Variants in NRG3 observed in about 807,000 individuals in gnomAD.
The protein encoded by NRG3 is pro-neuregulin-3, membrane-bound isoform.
In NRG3, 31 loss-of-function variants were observed where a neutral mutation model predicts 66.9. The ratio of observed to expected loss-of-function variants is 0.46; its 90% CI spans 0.35 to 0.63. The LOEUF (loss-of-function observed/expected upper bound fraction) is 0.63, where lower values mean the gene tolerates loss of function less well. NRG3 is among the 20% of genes least tolerant of loss of function. NRG3 has a pLI of 0.00. For synonymous variants in NRG3, 393 were observed against 359.4 expected, an observed-to-expected ratio of 1.09 and a Z score of -1.06; for missense variants, 910 against 878.9, an observed-to-expected ratio of 1.04 and a Z score of -0.45.
chr10:82,187,214 G>A lies in NRG3; in HGVS notation c.824-171525G>A, dbSNP rs60942322. The stretch of plus-strand genomic sequence containing the variant: ...GGAGTAATATGACACATGTGGACTA[G>A]AATATTACTGAGGCCGCCAACAGAG... On this transcript the variant is annotated intron_variant, in intron 1 of 8. Transcript: ENST00000372141. Among the ~76,000 whole-genome samples the A allele has an allele frequency of 9.1e-3, 1,380 of 152,224 alleles. 20 individuals are homozygous for A. The highest frequency in any genetic ancestry group is 0.032 in the African/African-American group (1,311 of 41,542).
chr10:81,955,628 G>A (rs1358495181), intron 1 of NRG3, among the ~76,000 whole-genome samples: 2 of 152,156 alleles, frequency 1.3e-5, no homozygotes, highest in East Asian at 3.9e-4. Context: ...TACCTACTTA[G>A]TAGCTGAAGA....
At chr10:82,333,346 AG>A (rs1054346470) in intron 1 of NRG3, among the ~76,000 whole-genome samples, 3 of 152,232 alleles carry the variant, frequency 2.0e-5, no homozygotes, top group African/African-American at 7.2e-5. Flanking sequence ...GGAATCAGAG[AG>A]ATCAAGGTTA....
intron 2 of NRG3, among the ~76,000 whole-genome samples, chr10:82,604,635 G>A (rs1036503818): frequency 4.6e-5 from 7 of 152,030 alleles, no homozygotes; most frequent in South Asian, 2.1e-4. Flanking sequence ...TGTGGTACTG[G>A]AGAAATAAGA....
chr10:82,546,484 C>T (rs926451313), intron 2 of NRG3, among the ~76,000 whole-genome samples: 3 of 151,980 alleles, frequency 2.0e-5, no homozygotes, highest in African/African-American at 7.2e-5. Context: ...CCATTGCCTT[C>T]TTTATATGTG....
At chr10:82,091,741 T>C (rs1343792940) in intron 1 of NRG3, among the ~76,000 whole-genome samples, 1 of 152,200 alleles carries the variant, frequency 6.6e-6, no homozygotes, top group Non-Finnish European at 1.5e-5. Flanking sequence ...ACCATGCTGT[T>C]TCCACAGCAG....
At chr10:82,350,047 G>C (rs969438397) in intron 1 of NRG3, among the ~76,000 whole-genome samples, 1 of 152,164 alleles carries the variant, frequency 6.6e-6, no homozygotes, top group African/African-American at 2.4e-5. Context: ...GCTGGGAGCT[G>C]TAGACCAGGG....
chr10:82,294,434 A>AGTGTGTGTGT lies in NRG3; in HGVS notation c.824-64284_824-64275dup, dbSNP rs35072007. The stretch of plus-strand genomic sequence containing the variant: ...TAATAAACACATATTCTACTGATGA[A>AGTGTGTGTGT]GTGTGTGTGTGTGTGTGTGTGTGTG... On this transcript the variant is annotated intron_variant, in intron 1 of 8. Coordinates refer to ENST00000372141, the MANE Select transcript of NRG3 (RefSeq NM_001010848.4). Among the ~76,000 whole-genome samples, 814 of 149,166 alleles carry AGTGTGTGTGT rather than the reference A, an allele frequency of 5.5e-3. 11 individuals are homozygous for AGTGTGTGTGT. The highest frequency in any genetic ancestry group is 0.016 in the African/African-American group (643 of 40,854).
intron 6 of NRG3, 85 bp from the exon 7 acceptor site, chr10:82,973,703 G>A: frequency 6.8e-7 from 1 of 1,481,118 alleles, no homozygotes; most frequent in Non-Finnish European, 9.4e-7. Flanking sequence ...TGGCATTCCA[G>A]TAACTTCTCA....
At chr10:82,682,920 T>C (rs1348261316) in intron 2 of NRG3, among the ~76,000 whole-genome samples, 1 of 150,900 alleles carries the variant, frequency 6.6e-6, no homozygotes, top group East Asian at 1.9e-4. Flanking sequence ...CCCAAACAGA[T>C]TTGTGAAAAT....
In NRG3 at chr10:82,779,080, C is replaced by T. The variant is rs191589987; in HGVS notation, c.1027+40430C>T. Among the ~76,000 whole-genome samples, 35 of 152,100 alleles carry T rather than the reference C, an allele frequency of 2.3e-4. No individual in the cohort carries two copies. The East Asian group carries it at 5.6e-3, about 24-fold the overall frequency. On this transcript the variant is annotated intron_variant, in intron 3 of 8. Coordinates refer to ENST00000372141, the MANE Select transcript of NRG3 (RefSeq NM_001010848.4). ...GCAGGGCATACTCTATCAAGGGCTC[C>T]GGTTTCAAGATTGTGATGCACAGTA... is the stretch of plus-strand genomic sequence containing the variant.
intron 2 of NRG3, among the ~76,000 whole-genome samples, chr10:82,421,984 A>G (rs774606122): frequency 2.0e-5 from 3 of 152,240 alleles, no homozygotes; most frequent in Non-Finnish European, 4.4e-5. Flanking sequence ...TGTTAGCTTG[A>G]GAACCAGAAG....
chr10:82,950,516 G>A (rs1185042295), intron 4 of NRG3, among the ~76,000 whole-genome samples: 1 of 152,152 alleles, frequency 6.6e-6, no homozygotes, highest in East Asian at 1.9e-4. Flanking sequence ...CCCATTCTGA[G>A]CTGCCCACAG....
chr10:82,723,989 T>C (rs1172245772), intron 2 of NRG3, among the ~76,000 whole-genome samples: 1 of 141,412 alleles, frequency 7.1e-6, no homozygotes, highest in African/African-American at 2.8e-5. Flanking sequence ...CAAAAAAAAG[T>C]AAATAAATAA....
intron 1 of NRG3, among the ~76,000 whole-genome samples, chr10:81,939,500 G>A (rs1393895522): frequency 1.3e-5 from 2 of 151,872 alleles, no homozygotes; most frequent in East Asian, 1.9e-4. Context: ...GTCTTGGTAA[G>A]TTGTATGTTT....
chr10:82,360,436 G>A (rs1251039550), intron 2 of NRG3, among the ~76,000 whole-genome samples: 1 of 152,176 alleles, frequency 6.6e-6, no homozygotes, highest in Non-Finnish European at 1.5e-5. Context: ...TTGAAGAAGG[G>A]ATGAATCAGA....
At chr10:81,882,873 T>C (rs1842305634) in intron 1 of NRG3, among the ~76,000 whole-genome samples, 2 of 152,170 alleles carry the variant, frequency 1.3e-5, no homozygotes, top group Admixed American at 1.3e-4. Context: ...ACCTTGGAAG[T>C]TGAACCACAA....
At chr10:82,472,021 A>G (rs1305398140) in intron 2 of NRG3, among the ~76,000 whole-genome samples, 2 of 152,296 alleles carry the variant, frequency 1.3e-5, no homozygotes, top group African/African-American at 4.8e-5. Flanking sequence ...ATTACTTAAT[A>G]TGAGTGGATG....
intron 4 of NRG3, among the ~76,000 whole-genome samples, chr10:82,899,918 T>A (rs1315703055): frequency 1.3e-5 from 2 of 152,222 alleles, no homozygotes; most frequent in Non-Finnish European, 2.9e-5. Flanking sequence ...TAGTTTGTTT[T>A]TGCATTGCTA....
At chr10:82,568,695 G>A (rs1248528979) in intron 2 of NRG3, among the ~76,000 whole-genome samples, 1 of 151,770 alleles carries the variant, frequency 6.6e-6, no homozygotes, top group Non-Finnish European at 1.5e-5. Context: ...TATTATTAAA[G>A]TGTATTCTGA....
Sources: gnomAD v4.1 joint callset for allele counts (sites outside exome capture counted in the v4.1 genomes callset) on GRCh38, gnomAD v4.1.1 for gene constraint, MANE v1.5 for transcripts, NCBI Gene and HGNC (gene_info 2026-07-23, HGNC 2026-07-21) for gene names.